The following HIP1 variants were observed in gnomAD, a reference collection of about 807,000 sequenced individuals.
HIP1 encodes the protein huntingtin-interacting protein 1.
A neutral mutation model predicts 147.6 loss-of-function variants in HIP1; 65 were observed. The ratio of observed to expected loss-of-function variants is 0.44; its 90% CI spans 0.36 to 0.54. HIP1 has a LOEUF of 0.54. Ranked by LOEUF, HIP1 falls within the 20% of genes least tolerant of loss-of-function variation. The pLI, the probability that HIP1 is intolerant of heterozygous loss-of-function variation, is 0.00. For synonymous variants in HIP1, 479 were observed against 504.0 expected (o/e 0.95, Z 0.67); for missense variants, 1,061 against 1,299.6 (o/e 0.82, Z 2.82).
At chr7:75,692,356 TCAAG>T (rs1447121909) in intron 1 of HIP1, among the ~76,000 whole-genome samples, 1 of 151,874 alleles carries the variant, frequency 6.6e-6, no homozygotes, top group Non-Finnish European at 1.5e-5. Context: ...ACTCCTGGGC[TCAAG>T]CAATCCTCCT....
At chr7:75,580,456 G>A (rs1012408368) in intron 7 of HIP1, among the ~76,000 whole-genome samples, 3 of 152,098 alleles carry the variant, frequency 2.0e-5, no homozygotes, top group African/African-American at 7.2e-5. Context: ...ATATCTAGGA[G>A]GCCAGGTGTG....
intron 1 of HIP1, among the ~76,000 whole-genome samples, chr7:75,702,722 ACACTG>A (rs2117329971): frequency 6.6e-6 from 1 of 152,254 alleles, no homozygotes; most frequent in South Asian, 2.1e-4. Context: ...AGGAGGAAAG[ACACTG>A]CACTCCAGCC....
chr7:75,664,455 C>CATAT (rs1307040946), intron 1 of HIP1, among the ~76,000 whole-genome samples: 11 of 94,292 alleles, frequency 1.2e-4, no homozygotes, highest in African/African-American at 3.1e-4. Flanking sequence ...TATACACATA[C>CATAT]ATATGTGTGT....
chr7:75,625,904 C>T (rs1798018658), intron 1 of HIP1: 2 of 151,978 alleles, frequency 1.3e-5, no homozygotes, highest in African/African-American at 4.8e-5. Context: ...ATCCCTGTCT[C>T]TTAAAAAAAA....
chr7:75,604,089 T>C (rs376376591), intron 1 of HIP1, among the ~76,000 whole-genome samples: 1 of 144,012 alleles, frequency 6.9e-6, no homozygotes, highest in Non-Finnish European at 1.5e-5. Context: ...GTTTAAACTA[T>C]GTTCTTCCCC....
chr7:75,675,596 TCC>T (rs550415624), intron 1 of HIP1, among the ~76,000 whole-genome samples: 2 of 152,006 alleles, frequency 1.3e-5, no homozygotes, highest in African/African-American at 2.4e-5. Flanking sequence ...ATTCATCATC[TCC>T]CTCTCTCTTT....
chr7:75,623,664 A>G (rs1797936102), intron 1 of HIP1, among the ~76,000 whole-genome samples: 1 of 152,192 alleles, frequency 6.6e-6, no homozygotes, highest in Admixed American at 6.5e-5. Flanking sequence ...ACTTGGAGAA[A>G]GGAACTAAGC....
chr7:75,640,623 T>C (rs1433003782), intron 1 of HIP1, among the ~76,000 whole-genome samples: 2 of 151,720 alleles, frequency 1.3e-5, no homozygotes, highest in African/African-American at 2.4e-5. Context: ...TGGGGTGGTG[T>C]GCGCCTATAA....
At chr7:75,666,844 G>A (rs1416333474) in intron 1 of HIP1, among the ~76,000 whole-genome samples, 1 of 152,166 alleles carries the variant, frequency 6.6e-6, no homozygotes, top group Non-Finnish European at 1.5e-5. Flanking sequence ...CTACCAGAGC[G>A]TTTTGTTCTG....
intron 5 of HIP1, among the ~76,000 whole-genome samples, chr7:75,586,254 TGGCATG>T (rs1796275155): frequency 6.6e-6 from 1 of 151,010 alleles, no homozygotes; most frequent in Non-Finnish European, 1.5e-5. Flanking sequence ...TGGAGTGCAG[TGGCATG>T]GTTTTGGCTC....
rs781933852 is a variant in HIP1, at chr7:75,548,962, G to T, written c.2335C>A (p.Leu779Met). ...PRGLDIKQEELGDLVDKEMAA... is the reference protein window; with the variant it reads ...PRGLDIKQEEMGDLVDKEMAA... ...ATCTCCTTGTCCACCAGGTCCCCCA[G>T]CTCCTCCTGCTTGATGTCCAGTCCC... The change falls in exon 23 of 31, where the codon CTG (leucine) becomes ATG (methionine). Residue 779 changes from leucine (L) to methionine (M), a missense_variant. Leu to Met is a conservative substitution (Grantham distance 15). Transcript: ENST00000336926. The T allele has an allele frequency of 1.5e-5, 24 of 1,613,954 alleles. No homozygotes were observed. The highest frequency in any genetic ancestry group is 2.0e-5 in the Non-Finnish European group (24 of 1,179,990).
Position 75,706,473 on chromosome 7 carries a change from CTTTTTTTTTA to C in HIP1, c.120+32318_120+32327del, listed in dbSNP as rs1386566522. 6.5e-5 allele frequency among the ~76,000 whole-genome samples: 9 copies of C among 138,100 alleles called. 1 individual carries two copies. The highest frequency in any genetic ancestry group is 1.7e-4 in the African/African-American group (6 of 36,356). 90.6% of individuals were successfully genotyped at this position (138,100 alleles called of 152,430 possible). The stretch of plus-strand genomic sequence containing the variant: ...CTTATTGGCCATTTGTATATATCTT[CTTTTTTTTTA>C]TTTTTTTTTTATTTTTTTATTTTTT... On this transcript the variant is annotated intron_variant, in intron 1 of 30. Coordinates refer to ENST00000336926, the MANE Select transcript of HIP1 (RefSeq NM_005338.7).
chr7:75,574,239 G>C (rs1221038178), intron 7 of HIP1, among the ~76,000 whole-genome samples: 1 of 151,372 alleles, frequency 6.6e-6, no homozygotes, highest in Non-Finnish European at 1.5e-5. Context: ...GTTGCAGTGA[G>C]CCAAGATCAT....
intron 1 of HIP1, among the ~76,000 whole-genome samples, chr7:75,695,948 T>G (rs1800621643): frequency 6.6e-6 from 1 of 151,818 alleles, no homozygotes; most frequent in Non-Finnish European, 1.5e-5. Flanking sequence ...TGTCTCCCAG[T>G]TCAAGTCTCT....
intron 1 of HIP1, among the ~76,000 whole-genome samples, chr7:75,698,520 A>T (rs1554518949): frequency 6.6e-6 from 1 of 152,186 alleles, no homozygotes; most frequent in African/African-American, 2.4e-5. Context: ...TGATGTAAAA[A>T]TACTGCCAGG....
At position 75,533,778 on chromosome 7, in the gene HIP1, AT is replaced by A. The variant is rs1554488036; in HGVS notation, c.*4393del. ...CTGACAACACCACGGTGTGGTGCTG[AT>A]CTTGTATTTGGTCTGGACCTGGGAG... On this transcript the variant is annotated 3_prime_UTR_variant, in exon 31 of 31. Coordinates refer to ENST00000336926, the MANE Select transcript of HIP1 (RefSeq NM_005338.7). 4.3e-6 allele frequency: 1 copy of A among 233,108 alleles called. No homozygotes were observed. Among genetic ancestry groups the A allele is most frequent in the Non-Finnish European group, 8.5e-6 (1 of 118,030 alleles). The allele number at this position is 233,108 out of a possible 1,614,324, so 14.4% of individuals were successfully genotyped here.
Position 75,668,006 on chromosome 7 carries a change from A to G in HIP1, c.121-68759T>C, listed in dbSNP as rs558355055. ...GAATATCTCAAGCCCCTGTATTTCA[A>G]CTCAAAAATTATTGTCAGGTACACT... On this transcript the variant is annotated intron_variant, in intron 1 of 30. Coordinates refer to ENST00000336926, the MANE Select transcript of HIP1 (RefSeq NM_005338.7). 3.5e-4 allele frequency among the ~76,000 whole-genome samples: 54 copies of G among 152,302 alleles called. No individual in the cohort carries two copies. The South Asian group carries it at 0.011, about 30-fold the overall frequency.
At chr7:75,685,178 T>TA (rs1800216371) in intron 1 of HIP1, among the ~76,000 whole-genome samples, 1 of 152,048 alleles carries the variant, frequency 6.6e-6, no homozygotes, top group African/African-American at 2.4e-5. Flanking sequence ...TGTGGGAGGC[T>TA]GAGGTGGGAG....
intron 8 of HIP1, among the ~76,000 whole-genome samples, chr7:75,573,556 G>A (rs900973646): frequency 1.3e-5 from 2 of 152,176 alleles, no homozygotes; most frequent in Non-Finnish European, 2.9e-5. Flanking sequence ...CGCAAGAGTG[G>A]CAAGCCAGGG....
Sources: allele counts gnomAD v4.1 joint callset (sites outside exome capture counted in the v4.1 genomes callset), GRCh38; gene constraint gnomAD v4.1.1; transcripts MANE v1.5; gene names NCBI Gene and HGNC (gene_info 2026-07-23, HGNC 2026-07-21).